The following GAS7 variants were observed in gnomAD, a reference collection of about 807,000 sequenced individuals.
GAS7 encodes the protein growth arrest-specific protein 7.
Under a neutral mutation model 71.1 loss-of-function variants are expected in GAS7, and 28 were observed. That is an observed-to-expected ratio of 0.39 (90% CI 0.29 to 0.54). GAS7 has a LOEUF of 0.54. GAS7 is among the 20% of genes least tolerant of loss of function. The probability of loss-of-function intolerance (pLI) is 0.62; values close to 1 mark genes in which losing one functional copy is unlikely to be tolerated. For missense variants in GAS7, 436 were observed against 627.8 expected, an observed-to-expected ratio of 0.69 and a Z score of 3.27; for synonymous variants, 258 against 245.8, an observed-to-expected ratio of 1.05 and a Z score of -0.46.
intron 8 of GAS7, among the ~76,000 whole-genome samples, chr17:9,935,258 C>G (rs2068358347): frequency 1.3e-5 from 2 of 152,348 alleles, no homozygotes; most frequent in South Asian, 4.1e-4. Flanking sequence ...CTGCCCACAG[C>G]TTACTAGAGA....
At position 10,122,132 on chromosome 17, in the gene GAS7, G is replaced by A. The variant is rs557231390; in HGVS notation, c.183+76076C>T. Among the ~76,000 whole-genome samples the A allele has an allele frequency of 4.0e-4, 61 of 152,258 alleles. No homozygotes were observed. In the South Asian group the frequency reaches 0.012, roughly 30 times the overall value. The stretch of plus-strand genomic sequence containing the variant: ...GGGAGGACACGACTCACTCCTCCTC[G>A]TACAGTGTGACCTGCATCTCCCGGG... On this transcript the variant is annotated intron_variant, in intron 1 of 13. Coordinates refer to ENST00000432992, the MANE Select transcript of GAS7 (RefSeq NM_201433.2).
At position 9,946,858 on chromosome 17, in the gene GAS7, G is replaced by A. The variant is rs750148754; in HGVS notation, c.615+36C>T. The stretch of plus-strand genomic sequence containing the variant: ...CCTGGGTGTCCACTCCCGGTCACCG[G>A]GGTCACGCTGTGGGGGAAACTGAGG... On this transcript the variant is annotated intron_variant, in intron 6 of 13. Coordinates refer to ENST00000432992, the MANE Select transcript of GAS7 (RefSeq NM_201433.2). 4 of 1,413,530 alleles carry A rather than the reference G, an allele frequency of 2.8e-6. No homozygotes were observed. In the East Asian group the frequency reaches 9.2e-5, roughly 32 times the overall value. 87.6% of individuals were successfully genotyped at this position (1,413,530 alleles called of 1,614,324 possible).
chr17:10,025,090 G>C (rs1473593045), intron 1 of GAS7, among the ~76,000 whole-genome samples: 1 of 152,062 alleles, frequency 6.6e-6, no homozygotes, highest in Non-Finnish European at 1.5e-5. Context: ...CACGGTTAAT[G>C]GTAAAAACAA....
intron 1 of GAS7, among the ~76,000 whole-genome samples, chr17:10,087,517 A>C (rs1403147770): frequency 6.6e-6 from 1 of 152,220 alleles, no homozygotes; most frequent in Non-Finnish European, 1.5e-5. Context: ...CACTGAGTTC[A>C]CTGATGAATG....
intron 1 of GAS7, among the ~76,000 whole-genome samples, chr17:10,021,092 A>T (rs963141161): frequency 7.9e-5 from 12 of 152,234 alleles, no homozygotes; most frequent in Non-Finnish European, 1.3e-4. Context: ...TAGGACAGAG[A>T]GTCCAAATTA....
intron 1 of GAS7, among the ~76,000 whole-genome samples, chr17:10,180,657 T>G (rs990343076): frequency 6.6e-6 from 1 of 152,182 alleles, no homozygotes; most frequent in African/African-American, 2.4e-5. Context: ...GCAGGGATGT[T>G]CTATTTGAGT....
chr17:9,933,760 G>A (rs1459307355), intron 9 of GAS7, among the ~76,000 whole-genome samples: 1 of 152,084 alleles, frequency 6.6e-6, no homozygotes, highest in African/African-American at 2.4e-5. Context: ...TGGGAGAATC[G>A]TTTGAGCCCA....
At chr17:10,089,518 TA>T (rs55650323) in intron 1 of GAS7, among the ~76,000 whole-genome samples, 53,285 of 144,106 alleles carry the variant, frequency 0.37, 10,003 homozygotes, top group African/African-American at 0.43. Context: ...GAGAACACAG[TA>T]AAAAAAAAAA....
chr17:9,959,261 G>C lies in GAS7; in HGVS notation c.472-6C>G. On this transcript the variant is annotated splice_polypyrimidine_tract_variant and splice_region_variant and intron_variant, in intron 4 of 13. Transcript: ENST00000432992. The surrounding 1 kb of genome is among the most constrained non-coding windows in gnomAD (Gnocchi z 5.0). Reference sequence around the variant, plus strand: ...GGCGATGAGGATCCCAGGTTCTGGGGAGAGAGGCAAGAAACATCGTCAAAG... The same window carrying C: ...GGCGATGAGGATCCCAGGTTCTGGGCAGAGAGGCAAGAAACATCGTCAAAG... The C allele has an allele frequency of 6.2e-7, 1 of 1,614,134 alleles. No homozygotes were observed.
intron 1 of GAS7, among the ~76,000 whole-genome samples, chr17:10,085,616 C>T (rs897869850): frequency 2.1e-5 from 3 of 143,446 alleles, no homozygotes; most frequent in East Asian, 2.1e-4. Flanking sequence ...GGCATGAACC[C>T]GGGAGGCAGA....
At chr17:10,024,394 CCTGTGGCTTTTTCCCTTCAATT>C (rs2072387412) in intron 1 of GAS7, among the ~76,000 whole-genome samples, 1 of 152,172 alleles carries the variant, frequency 6.6e-6, no homozygotes, top group Non-Finnish European at 1.5e-5. Flanking sequence ...CTTCCTTAGT[CCTGTGGCTTTTTCCCTTCAATT>C]CTGTCAGCAC....
intron 1 of GAS7, 78 bp from the exon 2 acceptor site, chr17:10,019,975 T>C (rs1340115558): frequency 1.0e-5 from 14 of 1,380,006 alleles, no homozygotes; most frequent in Non-Finnish European, 1.3e-5. Flanking sequence ...CAAAGGCTGA[T>C]GAATTCACCC....
At chr17:10,041,354 G>A (rs1302632735) in intron 1 of GAS7, among the ~76,000 whole-genome samples, 1 of 152,050 alleles carries the variant, frequency 6.6e-6, no homozygotes, top group African/African-American at 2.4e-5. Context: ...AGCCGTCTCC[G>A]ACACCACTTT....
chr17:10,171,679 G>A (rs1288752333), intron 1 of GAS7, among the ~76,000 whole-genome samples: 1 of 152,188 alleles, frequency 6.6e-6, no homozygotes. Context: ...CAGGCAGTCC[G>A]TGTAAGGGAC....
At chr17:10,028,404 T>A (rs1278108098) in intron 1 of GAS7, among the ~76,000 whole-genome samples, 1 of 152,116 alleles carries the variant, frequency 6.6e-6, no homozygotes, top group Non-Finnish European at 1.5e-5. Context: ...TCATACATTA[T>A]CTGGTCTCAG....
At chr17:10,025,257 A>G (rs1204439362) in intron 1 of GAS7, among the ~76,000 whole-genome samples, 1 of 151,992 alleles carries the variant, frequency 6.6e-6, no homozygotes, top group East Asian at 1.9e-4. Context: ...TAATTAATTA[A>G]TTAATTAAAA....
At chr17:10,165,383 C>A (rs1267743080) in intron 1 of GAS7, among the ~76,000 whole-genome samples, 1 of 151,216 alleles carries the variant, frequency 6.6e-6, no homozygotes. Flanking sequence ...GCTTCTCAAA[C>A]AGAAAAGGAG....
intron 1 of GAS7, among the ~76,000 whole-genome samples, chr17:10,051,560 G>A (rs1461941682): frequency 6.6e-6 from 1 of 152,188 alleles, no homozygotes; most frequent in Non-Finnish European, 1.5e-5. Context: ...AAAGCTGAAG[G>A]AGACCCTGCC....
rs2067496066 is a variant in GAS7 at position 9,913,523 on chromosome 17, AG to A, written c.*3704del. The A allele has an allele frequency of 4.3e-6, 1 of 231,726 alleles. No individual in the cohort carries two copies. Among genetic ancestry groups the A allele is most frequent in the Non-Finnish European group, 8.6e-6 (1 of 116,930 alleles). 14.4% of individuals were successfully genotyped at this position (231,726 alleles called of 1,614,324 possible). ...TAATTGATTGGTTTTCACAAAGGGTAGGGAAAGAAACCCCTGGTTGGTGAAT... is the reference window on the plus strand; with the variant it reads ...TAATTGATTGGTTTTCACAAAGGGTAGGAAAGAAACCCCTGGTTGGTGAAT... On this transcript the variant is annotated 3_prime_UTR_variant, in exon 14 of 14. Coordinates refer to ENST00000432992, the MANE Select transcript of GAS7 (RefSeq NM_201433.2).
Sources: gnomAD v4.1 joint callset for allele counts (sites outside exome capture counted in the v4.1 genomes callset) on GRCh38, gnomAD v4.1.1 for gene constraint, Gnocchi (gnomAD v3.1) non-coding constraint, MANE v1.5 for transcripts, NCBI Gene and HGNC (gene_info 2026-07-23, HGNC 2026-07-21) for gene names.